OLFM2: variants seen among roughly 807,000 people sequenced by gnomAD.
OLFM2 encodes olfactomedin 2, also known as noelin-2.
A neutral mutation model predicts 43.9 loss-of-function variants in OLFM2; 20 were observed. That is an observed-to-expected ratio of 0.46 (90% CI 0.32 to 0.66). The LOEUF (loss-of-function observed/expected upper bound fraction) is 0.66. OLFM2 is among the 30% of genes least tolerant of loss of function. The pLI, the probability that OLFM2 is intolerant of heterozygous loss-of-function variation, is 0.04. For missense variants in OLFM2, 416 were observed against 643.6 expected, an observed-to-expected ratio of 0.65 and a Z score of 3.83; for synonymous variants, 268 against 278.6, an observed-to-expected ratio of 0.96 and a Z score of 0.38.
chr19:9,929,168 CCCAACACAG>C (rs1174805188), intron 1 of OLFM2, among the ~76,000 whole-genome samples: 2 of 152,128 alleles, frequency 1.3e-5, no homozygotes, highest in African/African-American at 4.8e-5. Context: ...CAAGTTTTTT[CCCAACACAG>C]CCAGACTCAA....
At chr19:9,902,761 G>T (rs1356235210) in intron 1 of OLFM2, among the ~76,000 whole-genome samples, 1 of 152,084 alleles carries the variant, frequency 6.6e-6, no homozygotes, top group African/African-American at 2.4e-5. Context: ...AGGCTGGAGT[G>T]CTGGTGCGAT....
chr19:9,898,569 G>A (rs894861649), intron 1 of OLFM2, among the ~76,000 whole-genome samples: 1 of 151,726 alleles, frequency 6.6e-6, no homozygotes, highest in Non-Finnish European at 1.5e-5. Flanking sequence ...TTGCTATGTT[G>A]CCCAGGGTGG....
chr19:9,901,871 A>G (rs2046742995), intron 1 of OLFM2, among the ~76,000 whole-genome samples: 1 of 152,190 alleles, frequency 6.6e-6, no homozygotes, highest in Non-Finnish European at 1.5e-5. Flanking sequence ...GGGAAACGCC[A>G]TTGTGCATTA....
At chr19:9,858,191 T>TTCC in intron 2 of OLFM2, 1 of 403,218 alleles carries the variant, frequency 2.5e-6, no homozygotes, top group Non-Finnish European at 4.7e-6. Flanking sequence ...TTAGATCACC[T>TTCC]TCCTCCTCCA....
intron 1 of OLFM2, among the ~76,000 whole-genome samples, chr19:9,897,853 A>G (rs1164137730): frequency 1.3e-5 from 2 of 152,048 alleles, no homozygotes; most frequent in Non-Finnish European, 2.9e-5. Flanking sequence ...GGCTATTAAC[A>G]TGCAGAGTGA....
chr19:9,891,540 G>A (rs1301289705), intron 1 of OLFM2, among the ~76,000 whole-genome samples: 1 of 150,228 alleles, frequency 6.7e-6, no homozygotes, highest in Non-Finnish European at 1.5e-5. Flanking sequence ...CAGGAGAATT[G>A]CTTGAACCGG....
intron 1 of OLFM2, among the ~76,000 whole-genome samples, chr19:9,888,476 A>G (rs1053393966): frequency 1.3e-5 from 2 of 149,202 alleles, no homozygotes; most frequent in African/African-American, 4.9e-5. Flanking sequence ...GTGAGCTGAG[A>G]TCATGCGACT....
At chr19:9,892,462 G>A (rs1261733654) in intron 1 of OLFM2, among the ~76,000 whole-genome samples, 2 of 152,164 alleles carry the variant, frequency 1.3e-5, no homozygotes, top group Non-Finnish European at 2.9e-5. Context: ...TGTAATCCCA[G>A]CACTTTGGGA....
chr19:9,860,987 G>C (rs937028920), intron 1 of OLFM2, among the ~76,000 whole-genome samples, 193 bp from the exon 2 acceptor site: 4 of 152,178 alleles, frequency 2.6e-5, no homozygotes, highest in African/African-American at 7.2e-5. Context: ...CTGAGGTGCG[G>C]AGGGCTTAAG....
At chr19:9,864,706 C>T (rs531268671) in intron 1 of OLFM2, among the ~76,000 whole-genome samples, 3 of 151,350 alleles carry the variant, frequency 2.0e-5, no homozygotes, top group African/African-American at 4.9e-5. Flanking sequence ...ACTGCAGCCT[C>T]GAACTCCTGG....
At chr19:9,878,710 C>G (rs912046442) in intron 1 of OLFM2, among the ~76,000 whole-genome samples, 2 of 152,154 alleles carry the variant, frequency 1.3e-5, no homozygotes, top group Non-Finnish European at 1.5e-5. Context: ...AGGACAGCAC[C>G]CTCCACAGCT....
chr19:9,933,553 T>A (rs2086497338), intron 1 of OLFM2, among the ~76,000 whole-genome samples: 1 of 24,342 alleles, frequency 4.1e-5, no homozygotes, highest in Non-Finnish European at 7.8e-5. Context: ...CACTCTAATC[T>A]TTTTTTTTTT....
chr19:9,897,809 G>A (rs1251583522), intron 1 of OLFM2, among the ~76,000 whole-genome samples: 1 of 152,176 alleles, frequency 6.6e-6, no homozygotes, highest in Non-Finnish European at 1.5e-5. Context: ...TTCCCATGGA[G>A]CATGGAAGGG....
At chr19:9,923,343 T>C (rs2086432066) in intron 1 of OLFM2, among the ~76,000 whole-genome samples, 1 of 151,494 alleles carries the variant, frequency 6.6e-6, no homozygotes, top group African/African-American at 2.4e-5. Context: ...TCACTTGAGG[T>C]CAGGAGTTCA....
At chr19:9,934,305 A>G (rs192879901) in intron 1 of OLFM2, among the ~76,000 whole-genome samples, 1 of 152,230 alleles carries the variant, frequency 6.6e-6, no homozygotes, top group East Asian at 1.9e-4. Flanking sequence ...GGATTCCACC[A>G]GCCCCGCCCT....
chr19:9,931,012 G>T (rs1200627275), intron 1 of OLFM2, among the ~76,000 whole-genome samples: 1 of 151,998 alleles, frequency 6.6e-6, no homozygotes, highest in African/African-American at 2.4e-5. Flanking sequence ...TCACACAGAC[G>T]CACACAGTCC....
chr19:9,896,226 G>A (rs1041386046), intron 1 of OLFM2, among the ~76,000 whole-genome samples: 31 of 146,054 alleles, frequency 2.1e-4, no homozygotes, highest in Admixed American at 1.8e-3. Context: ...TCAGCCTCCC[G>A]AGTAGCTGGG....
intron 1 of OLFM2, among the ~76,000 whole-genome samples, chr19:9,914,165 C>T (rs1340755746): frequency 6.6e-6 from 1 of 152,076 alleles, no homozygotes; most frequent in Non-Finnish European, 1.5e-5. Context: ...CGCGGGACCC[C>T]GCGCGTAAAG....
intron 1 of OLFM2, among the ~76,000 whole-genome samples, chr19:9,935,638 CGTATT>C (rs1258039267): frequency 1.3e-5 from 2 of 152,162 alleles, no homozygotes; most frequent in Non-Finnish European, 2.9e-5. Flanking sequence ...TGGCCACACA[CGTATT>C]GTACAACACC....
Sources: allele counts gnomAD v4.1 joint callset (sites outside exome capture counted in the v4.1 genomes callset), GRCh38; gene constraint gnomAD v4.1.1; transcripts MANE v1.5; gene names NCBI Gene and HGNC (gene_info 2026-07-23, HGNC 2026-07-21).